The following MBOAT2 variants were observed in gnomAD, a reference collection of about 807,000 sequenced individuals.
The protein encoded by MBOAT2 is membrane-bound glycerophospholipid O-acyltransferase 2.
Under a neutral mutation model 63.4 loss-of-function variants are expected in MBOAT2, and 28 were observed. That is an observed-to-expected ratio of 0.44 (90% CI 0.33 to 0.61). The LOEUF is 0.61. MBOAT2 is among the 20% of genes least tolerant of loss of function. The pLI is 0.03. For missense variants in MBOAT2, 470 were observed against 605.8 expected (o/e 0.78, Z 2.35); for synonymous variants, 211 against 215.6 (o/e 0.98, Z 0.19).
At chr2:8,977,267 A>T (rs1377259630) in intron 1 of MBOAT2, among the ~76,000 whole-genome samples, 4 of 152,160 alleles carry the variant, frequency 2.6e-5, no homozygotes, top group Admixed American at 1.3e-4. Context: ...CACTGGGTTC[A>T]ACTGAAAACC....
chr2:8,952,795 C>T (rs189051287), intron 2 of MBOAT2, among the ~76,000 whole-genome samples: 1 of 149,336 alleles, frequency 6.7e-6, no homozygotes, highest in Non-Finnish European at 1.5e-5. Flanking sequence ...AGCAAGCAAC[C>T]TCTGCTTTTG....
chr2:8,914,242 A>C (rs1573037042), intron 3 of MBOAT2, among the ~76,000 whole-genome samples: 1 of 152,202 alleles, frequency 6.6e-6, no homozygotes, highest in Non-Finnish European at 1.5e-5. Context: ...TGATGGGTGC[A>C]CCATGATACA....
intron 1 of MBOAT2, among the ~76,000 whole-genome samples, chr2:8,993,514 C>A (rs1672056661): frequency 1.3e-5 from 2 of 152,074 alleles, no homozygotes; most frequent in African/African-American, 4.8e-5. Flanking sequence ...ATTTCCTAGC[C>A]CCTAACCTGC....
chr2:8,877,894 G>A (rs1662815816), intron 6 of MBOAT2, among the ~76,000 whole-genome samples: 1 of 152,204 alleles, frequency 6.6e-6, no homozygotes, highest in Non-Finnish European at 1.5e-5. Flanking sequence ...AGTGGACCCG[G>A]GGGAAGAGGT....
chr2:8,915,391 T>G (rs1487856034), intron 3 of MBOAT2, among the ~76,000 whole-genome samples: 2 of 152,184 alleles, frequency 1.3e-5, no homozygotes, highest in African/African-American at 4.8e-5. Context: ...ATGGCTGCTG[T>G]AGCAGCCATC....
chr2:8,918,280 CCTT>C (rs1170425197), intron 3 of MBOAT2, among the ~76,000 whole-genome samples: 2 of 152,162 alleles, frequency 1.3e-5, no homozygotes, highest in Non-Finnish European at 2.9e-5. Context: ...TTTGCAGATT[CCTT>C]CTTATCCTGG....
At chr2:8,969,864 A>G (rs926022343) in intron 1 of MBOAT2, among the ~76,000 whole-genome samples, 4 of 152,250 alleles carry the variant, frequency 2.6e-5, no homozygotes, top group African/African-American at 9.6e-5. Flanking sequence ...ACCCAGATTC[A>G]TAAAGCAAGT....
chr2:8,899,682 A>G (rs1314886123), intron 4 of MBOAT2, among the ~76,000 whole-genome samples: 1 of 152,152 alleles, frequency 6.6e-6, no homozygotes, highest in Admixed American at 6.5e-5. Flanking sequence ...CTCATTGGAC[A>G]ATCTTTTTTA....
intron 4 of MBOAT2, among the ~76,000 whole-genome samples, chr2:8,889,576 G>GATAAATGATA (rs1663837072): frequency 6.6e-6 from 1 of 152,140 alleles, no homozygotes; most frequent in African/African-American, 2.4e-5. Flanking sequence ...TACCCTTCAA[G>GATAAATGATA]CCCTTGAAAA....
chr2:8,907,957 T>TA (rs1665451369), intron 4 of MBOAT2, among the ~76,000 whole-genome samples: 1 of 152,176 alleles, frequency 6.6e-6, no homozygotes, highest in South Asian at 2.1e-4. Flanking sequence ...GCTCATTACT[T>TA]ACGCTGTCCA....
rs6716267 is a variant in MBOAT2, at chr2:8,902,569, C to T, written c.395+6052G>A. ...TGGTGACTGTTACAGCTCTTAAAGG[C>T]GGTGCGTCTGGAGTTGTTCATTCCT... is the stretch of plus-strand genomic sequence containing the variant. On this transcript the variant is annotated intron_variant, in intron 4 of 12. Transcript: ENST00000305997. 1.4e-3 allele frequency among the ~76,000 whole-genome samples: 213 copies of T among 151,296 alleles called. 2 individuals are homozygous for T. The highest frequency in any genetic ancestry group is 4.6e-3 in the African/African-American group (188 of 41,230).
intron 1 of MBOAT2, among the ~76,000 whole-genome samples, chr2:8,967,966 T>G (rs1449445482): frequency 6.6e-6 from 1 of 151,948 alleles, no homozygotes; most frequent in Non-Finnish European, 1.5e-5. Flanking sequence ...AGTCTACAGC[T>G]CCCAGAGTGA....
At position 8,854,546 on chromosome 2, in the gene MBOAT2, G is replaced by C. The variant is rs1293833555; in HGVS notation, c.*4133C>G. 1.3e-5 allele frequency: 2 copies of C among 152,066 alleles called. No individual in the cohort carries two copies. Among genetic ancestry groups the C allele is most frequent in the Non-Finnish European group, 2.9e-5 (2 of 68,026 alleles). The allele number at this position is 152,066 out of a possible 1,614,324, so 9.4% of individuals were successfully genotyped here. ...ATTTTTAGCTGACACAGATATAGTA[G>C]GCACTATTCTGAAACAATTATTTTC... On this transcript the variant is annotated 3_prime_UTR_variant, in exon 13 of 13. Coordinates refer to ENST00000305997, the MANE Select transcript of MBOAT2 (RefSeq NM_138799.4).
chr2:8,886,717 T>G (rs892783520), intron 5 of MBOAT2, among the ~76,000 whole-genome samples: 11 of 152,250 alleles, frequency 7.2e-5, no homozygotes, highest in African/African-American at 2.7e-4. Context: ...GTTGTTCTTC[T>G]GAGTTGAATA....
intron 5 of MBOAT2, among the ~76,000 whole-genome samples, chr2:8,887,816 G>C (rs1418507686): frequency 2.0e-5 from 3 of 152,170 alleles, no homozygotes; most frequent in Non-Finnish European, 2.9e-5. Flanking sequence ...TCACTGCACT[G>C]AATTCAAAAC....
Position 8,858,564 on chromosome 2 carries a change from T to C in MBOAT2, c.*115A>G, listed in dbSNP as rs973710331. The C allele has an allele frequency of 2.8e-6, 2 of 727,080 alleles. No homozygotes were observed. The allele number at this position is 727,080 out of a possible 1,614,324, so 45.0% of individuals were successfully genotyped here. ...GTACAGGAAATTCCTTATCTATAAC[T>C]GTCCATTTCCCCCCAGTTAACTGCT... On this transcript the variant is annotated 3_prime_UTR_variant, in exon 13 of 13. Transcript: ENST00000305997.
At chr2:8,996,603 T>C (rs1364361506) in intron 1 of MBOAT2, among the ~76,000 whole-genome samples, 2 of 152,136 alleles carry the variant, frequency 1.3e-5, no homozygotes, top group African/African-American at 4.8e-5. Flanking sequence ...GTCCTTCAAC[T>C]GGAGGCCATA....
chr2:8,977,955 C>T (rs978376541), intron 1 of MBOAT2, among the ~76,000 whole-genome samples: 1 of 152,086 alleles, frequency 6.6e-6, no homozygotes, highest in East Asian at 1.9e-4. Flanking sequence ...CGGACTCTGT[C>T]TCCACGGCTG....
chr2:8,881,499 T>C (rs1281666316), intron 6 of MBOAT2, among the ~76,000 whole-genome samples: 1 of 152,188 alleles, frequency 6.6e-6, no homozygotes, highest in Non-Finnish European at 1.5e-5. Context: ...CTCAGCATTC[T>C]TCCCCTGTTC....
Sources: gnomAD v4.1 joint callset for allele counts (sites outside exome capture counted in the v4.1 genomes callset) on GRCh38, gnomAD v4.1.1 for gene constraint, MANE v1.5 for transcripts, NCBI Gene and HGNC (gene_info 2026-07-23, HGNC 2026-07-21) for gene names.